The following MLLT3 variants were observed in gnomAD, a reference collection of about 807,000 sequenced individuals.
MLLT3 encodes MLLT3 super elongation complex subunit, also known as protein AF-9.
MLLT3 carries 4 observed loss-of-function variants against 53.2 expected under a neutral mutation model. The observed-to-expected ratio is 0.08, with a 90% CI of 0.04 to 0.17. MLLT3 has a LOEUF of 0.17. MLLT3 is among the 10% of genes least tolerant of loss of function. The probability of loss-of-function intolerance (pLI) is 1.00; values close to 1 mark genes in which losing one functional copy is unlikely to be tolerated. For missense variants in MLLT3, 569 were observed against 684.0 expected (o/e 0.83, Z 1.87); for synonymous variants, 283 against 230.6 (o/e 1.23, Z -2.06).
chr9:20,478,740 G>C (rs1824588179), intron 2 of MLLT3, among the ~76,000 whole-genome samples: 1 of 152,124 alleles, frequency 6.6e-6, no homozygotes, highest in African/African-American at 2.4e-5. Flanking sequence ...TTTAACCTCG[G>C]AGCTTTCCTC....
At chr9:20,411,502 T>C (rs1822727186) in intron 5 of MLLT3, among the ~76,000 whole-genome samples, 1 of 152,210 alleles carries the variant, frequency 6.6e-6, no homozygotes, top group Non-Finnish European at 1.5e-5. Flanking sequence ...GTACGGCTGT[T>C]GGGTTTTATA....
At chr9:20,576,869 G>A (rs1317339248) in intron 2 of MLLT3, among the ~76,000 whole-genome samples, 2 of 152,118 alleles carry the variant, frequency 1.3e-5, no homozygotes, top group Middle Eastern at 3.2e-3. Flanking sequence ...AGCCAGATGT[G>A]GTGGCACATG....
At chr9:20,591,888 G>A (rs781089265) in intron 2 of MLLT3, among the ~76,000 whole-genome samples, 1 of 152,146 alleles carries the variant, frequency 6.6e-6, no homozygotes, top group Non-Finnish European at 1.5e-5. Flanking sequence ...ATGAAGCCAG[G>A]TACGGTGGCA....
In MLLT3 at chr9:20,472,612, C is replaced by T. The variant is rs764841688; in HGVS notation, c.194-15826G>A. Among the ~76,000 whole-genome samples, 4 of 152,132 alleles carry T rather than the reference C, an allele frequency of 2.6e-5. No homozygotes were observed. In the South Asian group the frequency reaches 6.2e-4, roughly 24 times the overall value. ...CTAGATTGAACAAACTTCAGATGGG[C>T]TTAAACCAACTATAAAGAAAAATAT... On this transcript the variant is annotated intron_variant, in intron 2 of 10. Coordinates refer to ENST00000380338, the MANE Select transcript of MLLT3 (RefSeq NM_004529.4).
chr9:20,435,420 G>T (rs949027357), intron 4 of MLLT3, among the ~76,000 whole-genome samples: 4 of 152,050 alleles, frequency 2.6e-5, no homozygotes, highest in Non-Finnish European at 4.4e-5. Context: ...TCCCTTAAAA[G>T]TTGACCAAGG....
rs1300691132 is a variant in MLLT3 at position 20,485,978 on chromosome 9, CTAAA to C, written c.194-29196_194-29193del. ...ACATATAGCACTTCTTGAATAATGT[CTAAA>C]TAGTGATAAAATAATAAGAATTTCC... On this transcript the variant is annotated intron_variant, in intron 2 of 10. Transcript: ENST00000380338. Among the ~76,000 whole-genome samples, 12 of 152,168 alleles carry C rather than the reference CTAAA, an allele frequency of 7.9e-5. No homozygotes were observed. The East Asian group carries it at 2.3e-3, about 29-fold the overall frequency.
rs1272131614 is a variant in MLLT3 at position 20,343,084 on chromosome 9, C to T, written c.*3359G>A. 2.4e-5 allele frequency: 4 copies of T among 164,840 alleles called. No individual in the cohort carries two copies. Among genetic ancestry groups the T allele is most frequent in the Non-Finnish European group, 4.9e-5 (4 of 80,854 alleles). 10.2% of individuals were successfully genotyped at this position (164,840 alleles called of 1,614,324 possible). A position where few individuals can be genotyped will look rare whatever the true frequency, so the allele number is the denominator to read the frequency against. ...CTCTCTTAAACAAATATATTAACTA[C>T]ATTTGTGGAGCTTGAAGTAGTAAAT... On this transcript the variant is annotated 3_prime_UTR_variant, in exon 11 of 11. Transcript: ENST00000380338.
intron 2 of MLLT3, among the ~76,000 whole-genome samples, chr9:20,526,858 G>C (rs1476975772): frequency 1.3e-5 from 2 of 152,090 alleles, no homozygotes; most frequent in East Asian, 3.8e-4. Context: ...AAATCACCTT[G>C]TGGTTTAATT....
chr9:20,369,362 C>T (rs898183112), intron 5 of MLLT3, among the ~76,000 whole-genome samples: 1 of 152,150 alleles, frequency 6.6e-6, no homozygotes, highest in Non-Finnish European at 1.5e-5. Flanking sequence ...CTTAAACACA[C>T]ACACAAAAAC....
chr9:20,402,028 C>A (rs1822469213), intron 5 of MLLT3, among the ~76,000 whole-genome samples: 1 of 151,980 alleles, frequency 6.6e-6, no homozygotes, highest in Non-Finnish European at 1.5e-5. Context: ...CAGGGACCGA[C>A]TATATAATAG....
chr9:20,424,715 A>C (rs1823099937), intron 4 of MLLT3, among the ~76,000 whole-genome samples: 1 of 152,210 alleles, frequency 6.6e-6, no homozygotes, highest in Non-Finnish European at 1.5e-5. Context: ...TGATAACAAT[A>C]AACAATATTC....
At chr9:20,464,968 C>A (rs1824198429) in intron 2 of MLLT3, among the ~76,000 whole-genome samples, 1 of 151,998 alleles carries the variant, frequency 6.6e-6, no homozygotes. Flanking sequence ...CCCCCAAGAG[C>A]TTATAATGAC....
intron 8 of MLLT3, among the ~76,000 whole-genome samples, 174 bp from the exon 9 acceptor site, chr9:20,355,053 T>A: frequency 7.1e-6 from 1 of 140,254 alleles, no homozygotes. Flanking sequence ...CCTTGGAAAA[T>A]GAATTACTTA....
At chr9:20,561,721 A>G (rs1361859071) in intron 2 of MLLT3, among the ~76,000 whole-genome samples, 1 of 152,188 alleles carries the variant, frequency 6.6e-6, no homozygotes, top group Non-Finnish European at 1.5e-5. Context: ...TTAAGTACAG[A>G]ACTGAAGTTT....
chr9:20,402,971 A>G (rs905873273), intron 5 of MLLT3, among the ~76,000 whole-genome samples: 12 of 152,200 alleles, frequency 7.9e-5, no homozygotes, highest in African/African-American at 2.9e-4. Flanking sequence ...TAGTTTTTAA[A>G]TGGTAACAAC....
At chr9:20,526,270 A>G (rs1357656256) in intron 2 of MLLT3, among the ~76,000 whole-genome samples, 1 of 152,214 alleles carries the variant, frequency 6.6e-6, no homozygotes, top group Non-Finnish European at 1.5e-5. Flanking sequence ...AACTAAATCA[A>G]CAAACCCAAT....
chr9:20,373,002 G>A (rs1821654110), intron 5 of MLLT3, among the ~76,000 whole-genome samples: 1 of 151,974 alleles, frequency 6.6e-6, no homozygotes, highest in African/African-American at 2.4e-5. Flanking sequence ...CAATTGTCTG[G>A]AACCTAACCT....
intron 2 of MLLT3, among the ~76,000 whole-genome samples, chr9:20,500,546 G>A (rs368503246): frequency 1.3e-5 from 2 of 152,114 alleles, no homozygotes; most frequent in African/African-American, 2.4e-5. Context: ...ATAACTTTAC[G>A]GAAATCTTTG....
chr9:20,394,701 T>G (rs1243785197), intron 5 of MLLT3, among the ~76,000 whole-genome samples: 1 of 152,152 alleles, frequency 6.6e-6, no homozygotes, highest in Non-Finnish European at 1.5e-5. Flanking sequence ...AGACACTGGC[T>G]GTAAGATACA....
Sources: gnomAD v4.1 joint callset for allele counts (sites outside exome capture counted in the v4.1 genomes callset) on GRCh38, gnomAD v4.1.1 for gene constraint, MANE v1.5 for transcripts, NCBI Gene and HGNC (gene_info 2026-07-23, HGNC 2026-07-21) for gene names.